The following LOC400499 variants were observed in gnomAD, a reference collection of about 807,000 sequenced individuals.
the LOC400499 span, among the ~76,000 whole-genome samples, chr16:11,387,904 G>A: frequency 6.6e-6 from 1 of 152,076 alleles, no homozygotes; most frequent in South Asian, 2.1e-4. Context: ...GATTACAGGT[G>A]TGAGCCACTG....
the LOC400499 span, among the ~76,000 whole-genome samples, chr16:11,381,754 C>G: frequency 6.6e-6 from 1 of 152,206 alleles, no homozygotes; most frequent in Non-Finnish European, 1.5e-5. Context: ...ACTCCACTGT[C>G]TTCTGCTGTT....
At chr16:11,475,010 T>A in the LOC400499 span, among the ~76,000 whole-genome samples, 1 of 152,252 alleles carries the variant, frequency 6.6e-6, no homozygotes. Context: ...TTTGCGCAGC[T>A]ATTCTATGTT....
chr16:11,384,063 C>T, the LOC400499 span: 31 of 1,231,510 alleles, frequency 2.5e-5, no homozygotes, highest in African/African-American at 3.1e-5. Flanking sequence ...GGCTCCCCCG[C>T]GTACACTGGC....
At chr16:11,464,204 A>C in the LOC400499 span, among the ~76,000 whole-genome samples, 3 of 152,190 alleles carry the variant, frequency 2.0e-5, 1 homozygote, top group Admixed American at 2.0e-4. Context: ...ATGTGTGTGC[A>C]CACACGAATA....
chr16:11,405,708 G>T, the LOC400499 span, among the ~76,000 whole-genome samples: 1 of 152,138 alleles, frequency 6.6e-6, no homozygotes, highest in South Asian at 2.1e-4. Context: ...TTATTGCCCT[G>T]CCCCTGCCCA....
chr16:11,498,980 G>C, the LOC400499 span, among the ~76,000 whole-genome samples: 2 of 143,444 alleles, frequency 1.4e-5, no homozygotes, highest in Non-Finnish European at 3.0e-5. Context: ...TCTGAAATGA[G>C]GAAGTCCAGA....
At chr16:11,496,351 G>T in the LOC400499 span, among the ~76,000 whole-genome samples, 1 of 152,216 alleles carries the variant, frequency 6.6e-6, no homozygotes, top group South Asian at 2.1e-4. Flanking sequence ...ACAGGAGTGA[G>T]CCACCACGCC....
At chr16:11,471,092 G>A in the LOC400499 span, among the ~76,000 whole-genome samples, 1 of 152,216 alleles carries the variant, frequency 6.6e-6, no homozygotes, top group African/African-American at 2.4e-5. Context: ...CCATAGGGGG[G>A]CAGTCTACAC....
chr16:11,428,617 C>T, the LOC400499 span, among the ~76,000 whole-genome samples: 9,228 of 152,212 alleles, frequency 0.061, 397 homozygotes, highest in East Asian at 0.15. Context: ...TGGCATTCGG[C>T]CGGCTTCTTT....
the LOC400499 span, among the ~76,000 whole-genome samples, chr16:11,501,516 C>A: frequency 2.0e-5 from 3 of 152,054 alleles, no homozygotes; most frequent in Non-Finnish European, 4.4e-5. Context: ...GCTACCAAGT[C>A]GAGCTAACTT....
At chr16:11,391,467 A>G in the LOC400499 span, among the ~76,000 whole-genome samples, 2 of 152,236 alleles carry the variant, frequency 1.3e-5, no homozygotes, top group African/African-American at 2.4e-5. Flanking sequence ...GACACAGCAG[A>G]CCCAGAAAAA....
chr16:11,381,816 C>G, the LOC400499 span, among the ~76,000 whole-genome samples: 96,554 of 152,048 alleles, frequency 0.64, 31,474 homozygotes, highest in African/African-American at 0.72. Flanking sequence ...CACCCTCTTC[C>G]TTAGCTTTTA....
At chr16:11,430,152 C>A in the LOC400499 span, among the ~76,000 whole-genome samples, 13 of 152,108 alleles carry the variant, frequency 8.5e-5, no homozygotes, top group Non-Finnish European at 1.6e-4. Flanking sequence ...CAAACCCAGA[C>A]GGAGGGCTGT....
the LOC400499 span, among the ~76,000 whole-genome samples, chr16:11,463,392 A>G: frequency 2.0e-5 from 3 of 152,040 alleles, no homozygotes; most frequent in Non-Finnish European, 4.4e-5. Context: ...ATGTGTGTGT[A>G]TGAATGTGTG....
the LOC400499 span, among the ~76,000 whole-genome samples, chr16:11,454,130 T>C: frequency 6.6e-6 from 1 of 152,198 alleles, no homozygotes; most frequent in African/African-American, 2.4e-5. Context: ...CAAAAGATGA[T>C]AAATCAGAAG....
the LOC400499 span, among the ~76,000 whole-genome samples, chr16:11,501,794 C>T: frequency 6.6e-6 from 1 of 152,142 alleles, no homozygotes; most frequent in Admixed American, 6.5e-5. Context: ...AAGAGGGTCC[C>T]TGTCTGGGGA....
the LOC400499 span, among the ~76,000 whole-genome samples, chr16:11,519,922 C>T: frequency 1.7e-3 from 264 of 152,118 alleles, no homozygotes; most frequent in African/African-American, 6.1e-3. Flanking sequence ...AGGCTGGTCT[C>T]GAACTCCAGA....
chr16:11,446,734 C>T, the LOC400499 span: 5 of 1,535,220 alleles, frequency 3.3e-6, no homozygotes, highest in Non-Finnish European at 4.4e-6. Context: ...GGGCTATGCC[C>T]CAGACACACT....
chr16:11,391,054 G>A, the LOC400499 span, among the ~76,000 whole-genome samples: 1 of 152,236 alleles, frequency 6.6e-6, no homozygotes, highest in Non-Finnish European at 1.5e-5. Flanking sequence ...ATAGCGCTGG[G>A]CGGAGTCCTG....
Sources: gnomAD v4.1 joint callset for allele counts (sites outside exome capture counted in the v4.1 genomes callset) on GRCh38, gnomAD v4.1.1 for gene constraint, MANE v1.5 for transcripts.